PCDH15: variants seen among roughly 807,000 people sequenced by gnomAD.
PCDH15 encodes the protein protocadherin related 15.
Under a neutral mutation model 178.5 loss-of-function variants are expected in PCDH15, and 129 were observed. The observed-to-expected ratio is 0.72, with a 90% CI of 0.63 to 0.84. The LOEUF (loss-of-function observed/expected upper bound fraction) is 0.84. Among genes scored for constraint, PCDH15 ranks in the 40% least tolerant of loss-of-function variants. The pLI is 0.00. For missense variants in PCDH15, 2,230 were observed against 2,099.9 expected (o/e 1.06, Z -1.21); for synonymous variants, 800 against 732.0 (o/e 1.09, Z -1.50).
chr10:54,787,378 C>A (rs2133498306), intron 1 of PCDH15, among the ~76,000 whole-genome samples: 1 of 151,782 alleles, frequency 6.6e-6, no homozygotes, highest in Non-Finnish European at 1.5e-5. Flanking sequence ...ATTTATTTTT[C>A]AAGTTTTGAA....
At chr10:55,432,453 T>C (rs1838906498) in intron 2 of PCDH15, among the ~76,000 whole-genome samples, 1 of 152,108 alleles carries the variant, frequency 6.6e-6, no homozygotes, top group African/African-American at 2.4e-5. Flanking sequence ...TGGTAGCTGT[T>C]GAAAATGGGT....
chr10:54,747,656 T>A (rs1331658551), intron 1 of PCDH15, among the ~76,000 whole-genome samples: 1 of 152,120 alleles, frequency 6.6e-6, no homozygotes, highest in Admixed American at 6.5e-5. Flanking sequence ...AAGAAAATGA[T>A]GTATGGTAAT....
At chr10:55,292,330 A>T (rs1049202164) in intron 1 of PCDH15, among the ~76,000 whole-genome samples, 1 of 152,274 alleles carries the variant, frequency 6.6e-6, no homozygotes, top group Non-Finnish European at 1.5e-5. Flanking sequence ...CCCCAAGCAA[A>T]TCTAAAATCC....
chr10:55,023,887 ACACATAC>A (rs1840403717), intron 2 of PCDH15, among the ~76,000 whole-genome samples: 1 of 28,464 alleles, frequency 3.5e-5, no homozygotes, highest in Admixed American at 3.1e-4. Flanking sequence ...ACATGTATAT[ACACATAC>A]ATGTATGTGA....
At chr10:54,500,765 G>A (rs1042492280) in intron 3 of PCDH15, among the ~76,000 whole-genome samples, 1 of 152,078 alleles carries the variant, frequency 6.6e-6, no homozygotes, top group African/African-American at 2.4e-5. Context: ...AGGCAAGAGA[G>A]GTTGCTGAGA....
intron 2 of PCDH15, among the ~76,000 whole-genome samples, chr10:54,989,284 C>T (rs1469846442): frequency 2.0e-5 from 3 of 152,208 alleles, no homozygotes; most frequent in Non-Finnish European, 4.4e-5. Flanking sequence ...AGAGCCCCCA[C>T]ACAGAGTCCC....
intron 1 of PCDH15, among the ~76,000 whole-genome samples, chr10:55,280,621 A>T (rs931109520): frequency 2.6e-5 from 4 of 151,732 alleles, no homozygotes; most frequent in Non-Finnish European, 4.4e-5. Context: ...TTTGTTGAAT[A>T]ATGTTAAACA....
At chr10:54,394,698 A>T (rs1950981968) in intron 3 of PCDH15, among the ~76,000 whole-genome samples, 1 of 152,138 alleles carries the variant, frequency 6.6e-6, no homozygotes, top group South Asian at 2.1e-4. Flanking sequence ...ACCAAAATTT[A>T]TTAGGCAGGA....
chr10:54,212,403 C>T (rs2051540461), intron 10 of PCDH15, among the ~76,000 whole-genome samples: 1 of 152,154 alleles, frequency 6.6e-6, no homozygotes, highest in Admixed American at 6.5e-5. Flanking sequence ...CGTGGTCTGA[C>T]GCTATACCTC....
chr10:55,118,888 A>T (rs1252613228), intron 2 of PCDH15, among the ~76,000 whole-genome samples: 1 of 152,176 alleles, frequency 6.6e-6, no homozygotes, highest in East Asian at 1.9e-4. Flanking sequence ...TAATTGACTT[A>T]CGAAGAGATT....
At chr10:53,985,890 T>C (rs181466141) in intron 21 of PCDH15, among the ~76,000 whole-genome samples, 1 of 151,768 alleles carries the variant, frequency 6.6e-6, no homozygotes. Flanking sequence ...AGAGTAAACA[T>C]AAAAAAAAGA....
chr10:54,447,453 T>C (rs1390493687), intron 3 of PCDH15, among the ~76,000 whole-genome samples: 4 of 151,644 alleles, frequency 2.6e-5, no homozygotes, highest in South Asian at 2.1e-4. Context: ...TTTTACTTAT[T>C]TAAACTCTAC....
chr10:54,003,225 C>T (rs950063780), intron 20 of PCDH15, among the ~76,000 whole-genome samples: 8 of 151,412 alleles, frequency 5.3e-5, no homozygotes, highest in African/African-American at 1.9e-4. Flanking sequence ...CAGGCTGAAG[C>T]CAAAATTAGT....
intron 2 of PCDH15, among the ~76,000 whole-genome samples, chr10:55,343,796 T>C (rs1300259213): frequency 6.6e-6 from 1 of 152,126 alleles, no homozygotes; most frequent in African/African-American, 2.4e-5. Context: ...CAAATAACTA[T>C]TGAACACATA....
At chr10:55,521,012 G>A (rs1456931434) in intron 2 of PCDH15, among the ~76,000 whole-genome samples, 1 of 151,800 alleles carries the variant, frequency 6.6e-6, no homozygotes, top group African/African-American at 2.4e-5. Flanking sequence ...AATATTACTA[G>A]CTACAGTCAC....
At chr10:55,560,212 G>A (rs1289395362) in intron 2 of PCDH15, among the ~76,000 whole-genome samples, 3 of 151,870 alleles carry the variant, frequency 2.0e-5, no homozygotes, top group African/African-American at 7.2e-5. Context: ...TCAGCCAGTA[G>A]AGGACATAAT....
chr10:55,125,433 C>T (rs531465512), intron 2 of PCDH15, among the ~76,000 whole-genome samples: 1 of 152,158 alleles, frequency 6.6e-6, no homozygotes, highest in South Asian at 2.1e-4. Context: ...ATTTACCTCC[C>T]TTCTCTAATG....
chr10:55,340,256 C>T (rs1373049219), intron 2 of PCDH15, among the ~76,000 whole-genome samples: 1 of 150,680 alleles, frequency 6.6e-6, no homozygotes, highest in East Asian at 1.9e-4. Flanking sequence ...ACATATATTA[C>T]ATTTCATATA....
intron 18 of PCDH15, among the ~76,000 whole-genome samples, chr10:54,060,675 T>C (rs959900140): frequency 3.3e-5 from 5 of 152,166 alleles, no homozygotes; most frequent in Non-Finnish European, 5.9e-5. Flanking sequence ...GCAAGTCAAA[T>C]TTGAACTCAG....
Sources: allele counts gnomAD v4.1 joint callset (sites outside exome capture counted in the v4.1 genomes callset), GRCh38; gene constraint gnomAD v4.1.1; transcripts MANE v1.5; gene names NCBI Gene and HGNC (gene_info 2026-07-23, HGNC 2026-07-21).